The following ADAM7 variants were observed in gnomAD, a reference collection of about 807,000 sequenced individuals.
ADAM7 encodes the protein ADAM metallopeptidase domain 7.
A neutral mutation model predicts 102.9 loss-of-function variants in ADAM7; 97 were observed. The observed-to-expected ratio is 0.94, with a 90% CI of 0.80 to 1.12. The LOEUF is 1.12. Among genes scored for constraint, ADAM7 ranks in the 50% most tolerant of loss-of-function variants. The probability of loss-of-function intolerance (pLI) is 0.00; values close to 1 mark genes in which losing one functional copy is unlikely to be tolerated. For missense variants in ADAM7, 991 were observed against 908.7 expected (o/e 1.09, Z -1.16); for synonymous variants, 334 against 304.4 (o/e 1.10, Z -1.01).
intron 3 of ADAM7, among the ~76,000 whole-genome samples, chr8:24,452,616 T>C (rs1476429735): frequency 6.7e-6 from 1 of 150,072 alleles, no homozygotes; most frequent in Non-Finnish European, 1.5e-5. Flanking sequence ...TTTGCCAGTC[T>C]GTGTCTTTTA....
chr8:24,471,104 ATAAAT>A (rs775920676), intron 7 of ADAM7, among the ~76,000 whole-genome samples: 14 of 152,156 alleles, frequency 9.2e-5, no homozygotes, highest in Admixed American at 2.6e-4. Context: ...AAAAGTAAAA[ATAAAT>A]TAAAAAACAG....
intron 2 of ADAM7, among the ~76,000 whole-genome samples, chr8:24,446,915 T>C (rs1452633235): frequency 6.7e-6 from 1 of 149,144 alleles, no homozygotes; most frequent in Non-Finnish European, 1.5e-5. Context: ...ACTAATAATA[T>C]AAACTATAAT....
rs1345180262 is a variant in ADAM7 at position 24,501,540 on chromosome 8, G to A, written c.2172G>A (p.Arg724=). 1 of 1,607,524 alleles carries A rather than the reference G, an allele frequency of 6.2e-7. No homozygotes were observed. The highest frequency in any genetic ancestry group is 1.1e-5 in the South Asian group (1 of 89,652). ...KGYFGDEQQI[R]TEPILPEIHF... The stretch of plus-strand genomic sequence containing the variant: ...ACTTTGGTGATGAGCAGCAGATAAG[G>A]ACTGAGCCAATCCTGCCAGAAATTC... Residue 724 remains arginine (R), a synonymous_variant, in exon 20 of 22, where the codon AGG becomes AGA. Coordinates refer to ENST00000175238, the MANE Select transcript of ADAM7 (RefSeq NM_003817.4).
At chr8:24,493,667 A>C (rs1820453270) in intron 16 of ADAM7, among the ~76,000 whole-genome samples, 1 of 152,196 alleles carries the variant, frequency 6.6e-6, no homozygotes, top group South Asian at 2.1e-4. Context: ...ACAGTTCAAA[A>C]AATTGCTTTC....
At chr8:24,492,134 G>T (rs1337754275) in intron 14 of ADAM7, 36 bp downstream of exon 14, 3 of 1,578,366 alleles carry the variant, frequency 1.9e-6, no homozygotes. Flanking sequence ...TCACACAGAT[G>T]GTGGCCTCTA....
intron 2 of ADAM7, among the ~76,000 whole-genome samples, chr8:24,444,309 G>A (rs192508713): frequency 1.3e-4 from 19 of 151,276 alleles, no homozygotes; most frequent in African/African-American, 4.6e-4. Context: ...TTGAAAAAAT[G>A]GACACTTCTT....
At chr8:24,475,004 A>G (rs1819722662) in intron 7 of ADAM7, among the ~76,000 whole-genome samples, 1 of 152,288 alleles carries the variant, frequency 6.6e-6, no homozygotes, top group South Asian at 2.1e-4. Context: ...AAACCTGTTG[A>G]GAAGTTTATA....
intron 7 of ADAM7, among the ~76,000 whole-genome samples, chr8:24,469,186 C>T (rs929356917): frequency 6.6e-6 from 1 of 152,068 alleles, no homozygotes; most frequent in Admixed American, 6.6e-5. Context: ...GGCTTGGTGA[C>T]CCCGCTATAC....
intron 8 of ADAM7, 59 bp from the exon 9 acceptor site, chr8:24,482,083 A>G (rs1819971222): frequency 4.9e-6 from 6 of 1,234,266 alleles, no homozygotes; most frequent in Middle Eastern, 2.8e-4. Flanking sequence ...GAATATAGTA[A>G]TATTGAAGAC....
chr8:24,463,176 TTGA>T (rs1819307691), intron 3 of ADAM7, among the ~76,000 whole-genome samples: 1 of 152,200 alleles, frequency 6.6e-6, no homozygotes, highest in African/African-American at 2.4e-5. Context: ...CAAAATCTGC[TTGA>T]TGGAGTCAGG....
intron 3 of ADAM7, among the ~76,000 whole-genome samples, chr8:24,458,622 T>G (rs1819126216): frequency 6.6e-6 from 1 of 152,124 alleles, no homozygotes; most frequent in African/African-American, 2.4e-5. Flanking sequence ...TGTCTTCCTC[T>G]CTGATTATTC....
Position 24,508,530 on chromosome 8 carries a change from A to G in ADAM7, c.*-16A>G, listed in dbSNP as rs1349406616. 6.2e-7 allele frequency: 1 copy of G among 1,612,812 alleles called. No homozygotes were observed. Among genetic ancestry groups the G allele is most frequent in the Non-Finnish European group, 8.5e-7 (1 of 1,179,040 alleles). On this transcript the variant is annotated splice_polypyrimidine_tract_variant and intron_variant, in intron 21 of 21. Transcript: ENST00000175238. ...CATAGGAAACAATCTATTTTTAACC[A>G]TCTGTTTCTATTTAGAGCTTGAAGT... is the stretch of plus-strand genomic sequence containing the variant.
intron 7 of ADAM7, among the ~76,000 whole-genome samples, chr8:24,470,444 G>A (rs930509057): frequency 1.3e-4 from 20 of 151,754 alleles, no homozygotes; most frequent in Non-Finnish European, 2.6e-4. Context: ...TATCCCAAAA[G>A]GGTAGAGGGA....
chr8:24,456,568 C>T (rs1318374838), intron 3 of ADAM7, among the ~76,000 whole-genome samples: 1 of 151,920 alleles, frequency 6.6e-6, no homozygotes. Flanking sequence ...AAATACAGAA[C>T]TAACACTCAG....
intron 2 of ADAM7, among the ~76,000 whole-genome samples, chr8:24,446,373 T>A (rs1382811964): frequency 2.6e-5 from 4 of 152,170 alleles, no homozygotes; most frequent in African/African-American, 4.8e-5. Flanking sequence ...AATCATAATA[T>A]CTATTATTGG....
intron 16 of ADAM7, among the ~76,000 whole-genome samples, chr8:24,494,231 C>T (rs894094807): frequency 6.6e-5 from 10 of 152,082 alleles, no homozygotes; most frequent in East Asian, 1.9e-4. Context: ...TATTTAATAG[C>T]GACTTACATT....
chr8:24,475,169 C>T, intron 7 of ADAM7, among the ~76,000 whole-genome samples: 1 of 152,132 alleles, frequency 6.6e-6, no homozygotes, highest in African/African-American at 2.4e-5. Context: ...AATAAAAGTG[C>T]AAAGCTCATA....
intron 9 of ADAM7, among the ~76,000 whole-genome samples, chr8:24,483,430 T>C (rs541169841): frequency 1.3e-5 from 2 of 152,308 alleles, no homozygotes; most frequent in African/African-American, 4.8e-5. Flanking sequence ...ATACCCATAA[T>C]ATCGGTATTT....
intron 2 of ADAM7, 27 bp from the exon 3 acceptor site, chr8:24,447,156 TGAA>T: frequency 7.4e-7 from 1 of 1,349,554 alleles, no homozygotes; most frequent in Non-Finnish European, 1.0e-6. Context: ...GAGCCCATGT[TGAA>T]GTCACGTGAT....
Sources: allele counts gnomAD v4.1 joint callset (sites outside exome capture counted in the v4.1 genomes callset), GRCh38; gene constraint gnomAD v4.1.1; transcripts MANE v1.5; gene names NCBI Gene and HGNC (gene_info 2026-07-23, HGNC 2026-07-21).